The following TMEM132C variants were observed in gnomAD, a reference collection of about 807,000 sequenced individuals.
TMEM132C encodes the protein transmembrane protein 132C, also known as protein phosphatase 1, regulatory subunit 152.
In TMEM132C, 29 loss-of-function variants were observed where a neutral mutation model predicts 61.4. That is an observed-to-expected ratio of 0.47 (90% CI 0.35 to 0.64). The LOEUF is 0.64. Among genes scored for constraint, TMEM132C ranks in the 30% least tolerant of loss-of-function variants. TMEM132C has a pLI of 0.00. For missense variants in TMEM132C, 1,408 were observed against 1,476.9 expected (o/e 0.95, Z 0.76); for synonymous variants, 656 against 633.1 (o/e 1.04, Z -0.54).
intron 3 of TMEM132C, among the ~76,000 whole-genome samples, chr12:128,560,441 C>A (rs1430279521): frequency 2.0e-5 from 3 of 152,154 alleles, no homozygotes; most frequent in South Asian, 2.1e-4. Context: ...ATGAGCTAAG[C>A]GTGTTTCTAC....
intron 1 of TMEM132C, among the ~76,000 whole-genome samples, chr12:128,306,999 A>G (rs186202362): frequency 6.6e-5 from 10 of 152,238 alleles, no homozygotes; most frequent in East Asian, 3.9e-4. Context: ...CCCCTCAACT[A>G]TTATTGAAGG....
chr12:128,704,384 C>T (rs990494406), intron 8 of TMEM132C, among the ~76,000 whole-genome samples: 2 of 152,126 alleles, frequency 1.3e-5, no homozygotes, highest in Non-Finnish European at 2.9e-5. Flanking sequence ...ACTCTGCTAC[C>T]CATGCAGAGC....
chr12:128,436,032 AAAAC>A (rs1032562281), intron 2 of TMEM132C, among the ~76,000 whole-genome samples: 57 of 152,274 alleles, frequency 3.7e-4, no homozygotes, highest in Admixed American at 1.2e-3. Flanking sequence ...AAACCTGACA[AAAAC>A]AAGAAATGGG....
At chr12:128,675,202 A>T (rs2135635187) in intron 5 of TMEM132C, among the ~76,000 whole-genome samples, 1 of 152,264 alleles carries the variant, frequency 6.6e-6, no homozygotes, top group African/African-American at 2.4e-5. Flanking sequence ...GGTAAGGAAA[A>T]AGCAGATGAA....
intron 2 of TMEM132C, among the ~76,000 whole-genome samples, chr12:128,506,488 C>A (rs2136113782): frequency 6.6e-6 from 1 of 152,280 alleles, no homozygotes; most frequent in East Asian, 1.9e-4. Context: ...TTCTCCAAGA[C>A]TTGGACATAG....
intron 1 of TMEM132C, among the ~76,000 whole-genome samples, chr12:128,329,815 A>T (rs1026871806): frequency 1.3e-5 from 2 of 152,106 alleles, no homozygotes; most frequent in Non-Finnish European, 2.9e-5. Flanking sequence ...TACTGAGAAG[A>T]TATGTTCCTC....
chr12:128,472,644 T>C (rs940015009), intron 2 of TMEM132C, among the ~76,000 whole-genome samples: 1 of 152,164 alleles, frequency 6.6e-6, no homozygotes, highest in Admixed American at 6.5e-5. Context: ...CAAGGGGAGA[T>C]AATATCCCTG....
At chr12:128,623,150 C>G (rs376182172) in intron 4 of TMEM132C, among the ~76,000 whole-genome samples, 1 of 152,086 alleles carries the variant, frequency 6.6e-6, no homozygotes, top group Non-Finnish European at 1.5e-5. Flanking sequence ...TAAATGATAC[C>G]ATACCCACTG....
rs1227738312 is a variant in TMEM132C at position 128,630,191 on chromosome 12, C to T, written c.1305+13856C>T. On this transcript the variant is annotated intron_variant, in intron 4 of 8. Transcript: ENST00000435159. The surrounding 1 kb of genome is among the most constrained non-coding windows in gnomAD (Gnocchi z 4.3). ...TCAGGCGGCAAGCTGGCGGCAAGCC[C>T]AGGAATCTGCATCCCTAACAAGCTC... Among the ~76,000 whole-genome samples the T allele has an allele frequency of 6.6e-6, 1 of 152,152 alleles. No individual in the cohort carries two copies. The highest frequency in any genetic ancestry group is 1.9e-4 in the East Asian group (1 of 5,146).
intron 2 of TMEM132C, among the ~76,000 whole-genome samples, chr12:128,521,441 T>TCCCCCAG (rs34084045): frequency 7.3e-6 from 1 of 137,208 alleles, no homozygotes; most frequent in Non-Finnish European, 1.6e-5. Flanking sequence ...ATGCTATCCC[T>TCCCCCAG]CCCCCAGCCC....
chr12:128,275,095 A>C (rs957714452), intron 1 of TMEM132C, among the ~76,000 whole-genome samples: 1 of 152,172 alleles, frequency 6.6e-6, no homozygotes, highest in Non-Finnish European at 1.5e-5. Context: ...CCTAAGACCT[A>C]GTGTATGTAG....
rs1462327455 is a variant in TMEM132C at position 128,630,265 on chromosome 12, C to CT, written c.1305+13931dup. Among the ~76,000 whole-genome samples, 1 of 152,158 alleles carries CT rather than the reference C, an allele frequency of 6.6e-6. No individual in the cohort carries two copies. Among genetic ancestry groups the CT allele is most frequent in the Non-Finnish European group, 1.5e-5 (1 of 68,030 alleles). ...CTGCCCTGGGTCCAGGGTTGCCACA[C>CT]TGACGGCCCATGAGGGTCACTAGGG... On this transcript the variant is annotated intron_variant, in intron 4 of 8. Transcript: ENST00000435159. The surrounding 1 kb of genome is among the most constrained non-coding windows in gnomAD (Gnocchi z 4.3).
Position 128,646,477 on chromosome 12 carries a change from C to T in TMEM132C, c.1306-22940C>T, listed in dbSNP as rs111738706. ...TGGATGTGAGTGTGTTTACTGGAGT[C>T]CATCAGCGCTGGATGTGAGTGTGTT... On this transcript the variant is annotated intron_variant, in intron 4 of 8. Transcript: ENST00000435159. Among the ~76,000 whole-genome samples, 497 of 143,138 alleles carry T rather than the reference C, an allele frequency of 3.5e-3. 3 individuals are homozygous for T. The highest frequency in any genetic ancestry group is 0.014 in the African/African-American group (469 of 33,444). The allele number at this position is 143,138 out of a possible 152,430, so 93.9% of individuals were successfully genotyped here.
At position 128,419,801 on chromosome 12, in the gene TMEM132C, C is replaced by G. The variant is rs557944724; in HGVS notation, c.974+4181C>G. ...ATTGACTCAATTAATGTGTACTGACCCCTGCCCATTTGCCAGGCATTGTTC... is the reference window on the plus strand; with the variant it reads ...ATTGACTCAATTAATGTGTACTGACGCCTGCCCATTTGCCAGGCATTGTTC... On this transcript the variant is annotated intron_variant, in intron 2 of 8. Transcript: ENST00000435159. 2.0e-5 allele frequency among the ~76,000 whole-genome samples: 3 copies of G among 152,080 alleles called. No individual in the cohort carries two copies. The East Asian group carries it at 5.8e-4, about 29-fold the overall frequency.
At chr12:128,645,760 G>A (rs1045384158) in intron 4 of TMEM132C, among the ~76,000 whole-genome samples, 20 of 152,208 alleles carry the variant, frequency 1.3e-4, no homozygotes, top group African/African-American at 1.9e-4. Context: ...GTCCATCAGC[G>A]TTGGATGAGT....
intron 1 of TMEM132C, among the ~76,000 whole-genome samples, chr12:128,349,168 T>A (rs1048060669): frequency 2.6e-5 from 4 of 152,182 alleles, no homozygotes; most frequent in Admixed American, 6.5e-5. Context: ...TGCACCCAGC[T>A]GATTTTTGTA....
intron 4 of TMEM132C, among the ~76,000 whole-genome samples, chr12:128,665,023 A>G (rs1383108755): frequency 1.3e-5 from 2 of 151,614 alleles, no homozygotes; most frequent in Non-Finnish European, 2.9e-5. Context: ...ATACATATAC[A>G]CACAGGAACT....
chr12:128,696,076 G>A lies in TMEM132C; in HGVS notation c.1902G>A (p.Gly634=). ...TCCAGGACAGCCGGGTCCTGGTTGG[G>A]CGAGAGGTTGGGATGACGACCATCC... ...ATLQDSRVLV[G]REVGMTTIQV... is the part of the protein sequence containing the mutation. Residue 634 remains glycine, a synonymous_variant, in exon 7 of 9, where the codon GGG becomes GGA. Coordinates refer to ENST00000435159, the MANE Select transcript of TMEM132C (RefSeq NM_001136103.3). 4 of 1,551,692 alleles carry A rather than the reference G, an allele frequency of 2.6e-6. No homozygotes were observed. The highest frequency in any genetic ancestry group is 3.5e-6 in the Non-Finnish European group (4 of 1,147,002).
At chr12:128,677,132 C>T (rs1047952639) in intron 5 of TMEM132C, among the ~76,000 whole-genome samples, 1 of 152,198 alleles carries the variant, frequency 6.6e-6, no homozygotes, top group African/African-American at 2.4e-5. Flanking sequence ...GGGGTCCAAG[C>T]TTTAAAACAT....
Sources: gnomAD v4.1 joint callset for allele counts (sites outside exome capture counted in the v4.1 genomes callset) on GRCh38, gnomAD v4.1.1 for gene constraint, Gnocchi (gnomAD v3.1) non-coding constraint, MANE v1.5 for transcripts, NCBI Gene and HGNC (gene_info 2026-07-23, HGNC 2026-07-21) for gene names.